PHF21A: variants seen among roughly 807,000 people sequenced by gnomAD.
PHF21A encodes BHC80a.
Under a neutral mutation model 82.5 loss-of-function variants are expected in PHF21A, and 11 were observed. The observed-to-expected ratio is 0.13, with a 90% CI of 0.08 to 0.22. PHF21A has a LOEUF of 0.22. Ranked by LOEUF, PHF21A falls within the 10% of genes least tolerant of loss-of-function variation. PHF21A has a pLI of 1.00. For synonymous variants in PHF21A, 297 were observed against 302.8 expected, an observed-to-expected ratio of 0.98 and a Z score of 0.20; for missense variants, 579 against 837.8, an observed-to-expected ratio of 0.69 and a Z score of 3.81.
rs1592991502 is a variant in PHF21A, at chr11:46,084,285, C to T, written c.-66G>A. ...TTCAGCCTCTGTTTAAAGTAACAAACTCCTCTTCTCACTGCAGCTGTAAAG... is the reference window on the plus strand; with the variant it reads ...TTCAGCCTCTGTTTAAAGTAACAAATTCCTCTTCTCACTGCAGCTGTAAAG... On this transcript the variant is annotated 5_prime_UTR_variant, in exon 4 of 19. Coordinates refer to ENST00000676320, the MANE Select transcript of PHF21A (RefSeq NM_001352027.3). The T allele has an allele frequency of 2.6e-6, 3 of 1,171,776 alleles. No homozygotes were observed. Among genetic ancestry groups the T allele is most frequent in the Non-Finnish European group, 3.7e-6 (3 of 811,602 alleles). 72.6% of individuals were successfully genotyped at this position (1,171,776 alleles called of 1,614,324 possible). A position where few individuals can be genotyped will look rare whatever the true frequency, so the allele number is the denominator to read the frequency against.
intron 14 of PHF21A, among the ~76,000 whole-genome samples, chr11:45,946,846 G>A (rs184450984): frequency 4.6e-5 from 7 of 152,314 alleles, no homozygotes. Flanking sequence ...GGCAAAGCAA[G>A]GAGGCAAAAT....
At chr11:45,947,870 A>C (rs1242053748) in intron 14 of PHF21A, among the ~76,000 whole-genome samples, 1 of 152,194 alleles carries the variant, frequency 6.6e-6, no homozygotes, top group African/African-American at 2.4e-5. Flanking sequence ...TTTCCCATCT[A>C]AATATTTTTG....
chr11:46,085,962 A>G (rs1005264084), intron 3 of PHF21A, among the ~76,000 whole-genome samples: 4 of 152,126 alleles, frequency 2.6e-5, no homozygotes, highest in Admixed American at 6.5e-5. Context: ...AAAAGTGCAA[A>G]ATTCCTTTAA....
At chr11:46,050,124 C>T (rs777118116) in intron 6 of PHF21A, among the ~76,000 whole-genome samples, 20 of 152,226 alleles carry the variant, frequency 1.3e-4, no homozygotes, top group Non-Finnish European at 2.4e-4. Flanking sequence ...AAATGCTTCA[C>T]GCCAAGTTTT....
intron 1 of PHF21A, among the ~76,000 whole-genome samples, chr11:46,107,750 A>T (rs1358060891): frequency 2.6e-5 from 4 of 152,234 alleles, no homozygotes; most frequent in African/African-American, 9.6e-5. Context: ...AAACTCTCAA[A>T]GCTGGAATCA....
intron 6 of PHF21A, among the ~76,000 whole-genome samples, chr11:45,989,707 T>A (rs2094614154): frequency 6.8e-6 from 1 of 147,864 alleles, no homozygotes; most frequent in Admixed American, 6.8e-5. Flanking sequence ...AATAAAAAAA[T>A]AAAAAATTTA....
intron 6 of PHF21A, among the ~76,000 whole-genome samples, chr11:45,991,358 C>T (rs1377532102): frequency 6.6e-6 from 1 of 152,108 alleles, no homozygotes; most frequent in East Asian, 1.9e-4. Flanking sequence ...ATGGATATTA[C>T]TTGCCAGGTA....
rs1428154552 is a variant in PHF21A at position 46,083,034 on chromosome 11, A to T, written c.54+1132T>A. Among the ~76,000 whole-genome samples the T allele has an allele frequency of 2.6e-5, 4 of 152,222 alleles. No homozygotes were observed. In the East Asian group the frequency reaches 7.7e-4, roughly 29 times the overall value. On this transcript the variant is annotated intron_variant, in intron 4 of 18. Coordinates refer to ENST00000676320, the MANE Select transcript of PHF21A (RefSeq NM_001352027.3). ...TCAGCTTTGAATAAAATGTGAATTTAATTTTTATCACTTGCCATTCAGCCA... is the reference window on the plus strand; with the variant it reads ...TCAGCTTTGAATAAAATGTGAATTTTATTTTTATCACTTGCCATTCAGCCA...
intron 6 of PHF21A, among the ~76,000 whole-genome samples, chr11:46,061,230 C>G (rs1039417755): frequency 6.6e-6 from 1 of 152,124 alleles, no homozygotes; most frequent in Non-Finnish European, 1.5e-5. Context: ...AGTTTGAAGT[C>G]GGTTAGCATG....
Position 45,934,104 on chromosome 11 carries a change from G to C in PHF21A, c.1910C>G (p.Ser637Cys), listed in dbSNP as rs1204327230. ...GGAGATGGCCCCCACAGTGGCCTCA[G>C]AGTCTACAGGTTTGGAGAGGTCGAT... ...HGIDLSKPVDSEATVGAISNG... is the reference protein window; with the variant it reads ...HGIDLSKPVDCEATVGAISNG... Residue 637 changes from serine (S) to cysteine (C), a missense_variant, in exon 19 of 19, where the codon TCT (serine) becomes TGT (cysteine). This residue lies in a region of PHF21A where 157 missense variants were observed against 149.4 expected (regional missense o/e 1.05). Coordinates refer to ENST00000676320, the MANE Select transcript of PHF21A (RefSeq NM_001352027.3). 6.2e-7 allele frequency: 1 copy of C among 1,614,058 alleles called. No individual in the cohort carries two copies. The highest frequency in any genetic ancestry group is 1.3e-5 in the African/African-American group (1 of 74,932).
intron 15 of PHF21A, among the ~76,000 whole-genome samples, chr11:45,939,181 G>T (rs900166173): frequency 6.6e-6 from 1 of 152,114 alleles, no homozygotes; most frequent in Admixed American, 6.6e-5. Flanking sequence ...AGTCGCCAAG[G>T]CCAAAATTAA....
chr11:46,023,460 G>A (rs896559799), intron 6 of PHF21A, among the ~76,000 whole-genome samples: 2 of 152,194 alleles, frequency 1.3e-5, no homozygotes, highest in Admixed American at 6.5e-5. Context: ...AGGAAATTAA[G>A]AAAGAAGACT....
chr11:46,029,516 T>G (rs1283426465), intron 6 of PHF21A, among the ~76,000 whole-genome samples: 2 of 152,094 alleles, frequency 1.3e-5, no homozygotes, highest in Non-Finnish European at 2.9e-5. Context: ...GGTGAAACCC[T>G]GTCTCTACTA....
At chr11:46,010,440 T>C (rs1355425708) in intron 6 of PHF21A, among the ~76,000 whole-genome samples, 1 of 152,232 alleles carries the variant, frequency 6.6e-6, no homozygotes, top group African/African-American at 2.4e-5. Flanking sequence ...TTGTCTAAAA[T>C]TATACAGTTA....
chr11:45,954,905 G>A (rs2092508831), intron 10 of PHF21A, among the ~76,000 whole-genome samples: 1 of 152,066 alleles, frequency 6.6e-6, no homozygotes, highest in East Asian at 1.9e-4. Context: ...TCATTATGCT[G>A]GAAATATTTT....
At chr11:46,040,921 ACACACACACACACG>A (rs150131940) in intron 6 of PHF21A, among the ~76,000 whole-genome samples, 13,694 of 151,104 alleles carry the variant, frequency 0.091, 689 homozygotes, top group African/African-American at 0.15. Context: ...ACACACACAC[ACACACACACACACG>A]CACGCACAAT....
intron 18 of PHF21A, chr11:45,934,777 C>T (rs1488055942): frequency 1.4e-5 from 5 of 345,936 alleles, no homozygotes; most frequent in Non-Finnish European, 2.9e-5. Context: ...GCCAGTACAC[C>T]TTCTGCTCAG....
chr11:46,031,668 G>A (rs563169219), intron 6 of PHF21A, among the ~76,000 whole-genome samples: 3 of 152,238 alleles, frequency 2.0e-5, no homozygotes, highest in Non-Finnish European at 4.4e-5. Flanking sequence ...ATTAATAGGC[G>A]CTCCGAGGCA....
chr11:45,958,417 A>AAAAAAAATAT (rs2092827892), intron 10 of PHF21A, among the ~76,000 whole-genome samples: 2 of 20,796 alleles, frequency 9.6e-5, no homozygotes, highest in Non-Finnish European at 2.1e-4. Flanking sequence ...AAAAAAAAAA[A>AAAAAAAATAT]AAATATATAT....
Sources: allele counts gnomAD v4.1 joint callset (sites outside exome capture counted in the v4.1 genomes callset), GRCh38; gene constraint gnomAD v4.1.1; regional missense constraint gnomAD v4.1.1; transcripts MANE v1.5; gene names NCBI Gene and HGNC (gene_info 2026-07-23, HGNC 2026-07-21).